Variants in NCKAP5 observed in about 807,000 individuals in gnomAD.
NCKAP5 encodes NCK associated protein 5.
A neutral mutation model predicts 167.0 loss-of-function variants in NCKAP5; 92 were observed. That is an observed-to-expected ratio of 0.55 (90% CI 0.47 to 0.66). The LOEUF (loss-of-function observed/expected upper bound fraction) is 0.66. Among genes scored for constraint, NCKAP5 ranks in the 30% least tolerant of loss-of-function variants. NCKAP5 has a pLI of 0.00. For missense variants in NCKAP5, 2,378 were observed against 2,315.0 expected (o/e 1.03, Z -0.56); for synonymous variants, 891 against 877.4 (o/e 1.02, Z -0.27).
intron 6 of NCKAP5, among the ~76,000 whole-genome samples, chr2:133,129,382 G>T (rs2082518409): frequency 6.6e-6 from 1 of 152,070 alleles, no homozygotes; most frequent in Admixed American, 6.6e-5. Context: ...TGCTGAGAAT[G>T]ATGGTTTCCA....
At position 133,489,420 on chromosome 2, in the gene NCKAP5, C is replaced by T. The variant is rs546715924; in HGVS notation, c.69+28038G>A. On this transcript the variant is annotated intron_variant, in intron 3 of 19. Transcript: ENST00000409261. ...ATAGGGGATCTTTCTTAGCAGAAGT[C>T]GGAGAATACACAGTCATCCATTCAG... 2.0e-4 allele frequency among the ~76,000 whole-genome samples: 31 copies of T among 152,186 alleles called. No individual in the cohort carries two copies. In the Middle Eastern group the frequency reaches 0.014, roughly 67 times the overall value.
At position 132,714,762 on chromosome 2, in the gene NCKAP5, G is replaced by A. The variant is rs149367272; in HGVS notation, c.5713+10865C>T. On this transcript the variant is annotated intron_variant, in intron 19 of 19. Transcript: ENST00000409261. ...CGGGAGGCAGAGGTTGCAGTGAGCCGAGATCATGCCACTGCACTCCAGTCT... is the reference window on the plus strand; with the variant it reads ...CGGGAGGCAGAGGTTGCAGTGAGCCAAGATCATGCCACTGCACTCCAGTCT... 3,382 of 410,330 alleles carry A rather than the reference G, an allele frequency of 8.2e-3. 29 individuals carry two copies. The highest frequency in any genetic ancestry group is 0.011 in the Middle Eastern group (29 of 2,712). The allele number at this position is 410,330 out of a possible 1,614,324, so 25.4% of individuals were successfully genotyped here. A position where few individuals can be genotyped will look rare whatever the true frequency, so the allele number is the denominator to read the frequency against.
At chr2:132,814,615 C>A (rs1558813062) in intron 11 of NCKAP5, among the ~76,000 whole-genome samples, 1 of 151,986 alleles carries the variant, frequency 6.6e-6, no homozygotes, top group Non-Finnish European at 1.5e-5. Flanking sequence ...CTGTTTCAGG[C>A]ATATTAGAGG....
At chr2:132,884,586 G>C (rs1692063423) in intron 8 of NCKAP5, among the ~76,000 whole-genome samples, 1 of 152,208 alleles carries the variant, frequency 6.6e-6, no homozygotes, top group Admixed American at 6.5e-5. Context: ...GCGATTTCCA[G>C]TTCAAATATT....
chr2:133,237,774 C>T (rs2087492898), intron 4 of NCKAP5, among the ~76,000 whole-genome samples: 1 of 152,216 alleles, frequency 6.6e-6, no homozygotes, highest in African/African-American at 2.4e-5. Flanking sequence ...ACACACTTTA[C>T]TAACTCAGCT....
chr2:132,702,151 T>A (rs527562358), intron 19 of NCKAP5, among the ~76,000 whole-genome samples: 13 of 152,308 alleles, frequency 8.5e-5, no homozygotes, highest in Non-Finnish European at 1.8e-4. Context: ...TTAAAATGGG[T>A]AAGCACTAAT....
chr2:133,062,624 G>T (rs2080045135), intron 6 of NCKAP5, among the ~76,000 whole-genome samples: 1 of 152,128 alleles, frequency 6.6e-6, no homozygotes, highest in Non-Finnish European at 1.5e-5. Flanking sequence ...TCTTTGCAGA[G>T]GTACTCAGGT....
intron 6 of NCKAP5, among the ~76,000 whole-genome samples, chr2:133,095,625 C>T (rs1559134574): frequency 6.6e-6 from 1 of 152,226 alleles, no homozygotes; most frequent in African/African-American, 2.4e-5. Flanking sequence ...AGAGGAACCA[C>T]TCAGCTAAGC....
intron 5 of NCKAP5, among the ~76,000 whole-genome samples, chr2:133,131,082 A>G (rs2082586646): frequency 6.6e-6 from 1 of 152,208 alleles, no homozygotes; most frequent in African/African-American, 2.4e-5. Flanking sequence ...ATTAAATATG[A>G]TTCATCTCAT....
At chr2:132,878,959 G>C in intron 8 of NCKAP5, 43 bp from the exon 9 acceptor site, 4 of 1,470,678 alleles carry the variant, frequency 2.7e-6, no homozygotes, top group East Asian at 2.3e-5. Context: ...TCAATGAAAT[G>C]TTGTGTTATG....
At chr2:133,303,204 A>C in intron 3 of NCKAP5, 94 bp from the exon 4 acceptor site, 1 of 797,006 alleles carries the variant, frequency 1.3e-6, no homozygotes, top group Non-Finnish European at 2.1e-6. Flanking sequence ...TATTTTTGAC[A>C]ACATTATCCC....
chr2:132,991,184 A>G (rs1357182172), intron 7 of NCKAP5, among the ~76,000 whole-genome samples: 1 of 152,186 alleles, frequency 6.6e-6, no homozygotes, highest in African/African-American at 2.4e-5. Context: ...GCCTATGTCC[A>G]CATCTGTAAG....
intron 8 of NCKAP5, among the ~76,000 whole-genome samples, chr2:132,906,892 T>C (rs978580150): frequency 2.0e-5 from 3 of 152,168 alleles, no homozygotes; most frequent in Non-Finnish European, 4.4e-5. Flanking sequence ...TATTTAAAAT[T>C]GCATGATGAA....
intron 6 of NCKAP5, among the ~76,000 whole-genome samples, chr2:133,005,757 T>C (rs996525423): frequency 1.3e-5 from 2 of 152,210 alleles, no homozygotes; most frequent in African/African-American, 4.8e-5. Flanking sequence ...TTGGCCCCCA[T>C]ATTTATCTTT....
chr2:133,356,703 A>C (rs1210672807), intron 3 of NCKAP5, among the ~76,000 whole-genome samples: 1 of 152,252 alleles, frequency 6.6e-6, no homozygotes, highest in Admixed American at 6.5e-5. Context: ...ACCCAACAAG[A>C]AGAAAGTCAT....
At chr2:132,685,617 C>T (rs1685827299) in intron 19 of NCKAP5, among the ~76,000 whole-genome samples, 1 of 152,172 alleles carries the variant, frequency 6.6e-6, no homozygotes, top group Non-Finnish European at 1.5e-5. Flanking sequence ...TTACTAGGCC[C>T]TGGAACTACA....
At chr2:133,181,327 G>A (rs150101698) in intron 5 of NCKAP5, among the ~76,000 whole-genome samples, 2 of 151,500 alleles carry the variant, frequency 1.3e-5, no homozygotes, top group African/African-American at 4.8e-5. Flanking sequence ...TACATAAACC[G>A]ATACACTAAA....
chr2:132,976,389 C>T (rs918598615), intron 7 of NCKAP5, among the ~76,000 whole-genome samples: 1 of 151,656 alleles, frequency 6.6e-6, no homozygotes, highest in African/African-American at 2.4e-5. Flanking sequence ...ATGGTGAAAC[C>T]CCATCTCTAC....
At position 132,782,680 on chromosome 2, in the gene NCKAP5, C is replaced by T. The variant is rs1256149592; in HGVS notation, c.4131G>A (p.Glu1377=). Reference sequence around the variant, plus strand: ...CCTTTCCAGGTGGGATGAGGAGTCCCTCAGACTTTGGAGGGATCCTCAAAG... The same window carrying T: ...CCTTTCCAGGTGGGATGAGGAGTCCTTCAGACTTTGGAGGGATCCTCAAAG... ...KLPLRIPPKS[E]GLLIPPGKED... is the part of the protein sequence containing the mutation. Residue 1377 remains glutamate, a synonymous_variant, in exon 14 of 20, where the codon GAG becomes GAA. Coordinates refer to ENST00000409261, the MANE Select transcript of NCKAP5 (RefSeq NM_207363.3). The T allele has an allele frequency of 2.5e-6, 4 of 1,613,652 alleles. No homozygotes were observed. Among genetic ancestry groups the T allele is most frequent in the South Asian group, 1.1e-5 (1 of 91,038 alleles).
Sources: allele counts gnomAD v4.1 joint callset (sites outside exome capture counted in the v4.1 genomes callset), GRCh38; gene constraint gnomAD v4.1.1; transcripts MANE v1.5; gene names NCBI Gene and HGNC (gene_info 2026-07-23, HGNC 2026-07-21).